Variants in CHD2 observed in about 807,000 individuals in gnomAD.
The protein encoded by CHD2 is chromodomain helicase DNA binding protein 2.
In CHD2, 28 loss-of-function variants were observed where a neutral mutation model predicts 243.9. The observed-to-expected ratio is 0.11, with a 90% CI of 0.09 to 0.16. The LOEUF (loss-of-function observed/expected upper bound fraction) is 0.16. Among genes scored for constraint, CHD2 ranks in the 10% least tolerant of loss-of-function variants. The pLI is 1.00. For missense variants in CHD2, 1,386 were observed against 2,209.8 expected, an observed-to-expected ratio of 0.63 and a Z score of 7.47; for synonymous variants, 775 against 779.0, an observed-to-expected ratio of 0.99 and a Z score of 0.09.
Position 92,943,088 on chromosome 15 carries a change from T to G in CHD2, c.1052+20T>G, listed in dbSNP as rs1382891253. On this transcript the variant is annotated intron_variant, in intron 9 of 38. Transcript: ENST00000394196. ...ACAATGGTATATTTTCCATCATGGA[T>G]TAAAGAAATGTATTTGCAGCCTGAA... The G allele has an allele frequency of 1.3e-6, 2 of 1,575,354 alleles. No homozygotes were observed. The highest frequency in any genetic ancestry group is 1.7e-6 in the Non-Finnish European group (2 of 1,146,944).
chr15:92,904,058 T>A (rs1422190120), intron 2 of CHD2, among the ~76,000 whole-genome samples: 1 of 152,230 alleles, frequency 6.6e-6, no homozygotes, highest in African/African-American at 2.4e-5. Context: ...AATAGAAATC[T>A]GAAATACCAA....
At chr15:92,987,633 GGT>G (rs2054060990) in intron 26 of CHD2, among the ~76,000 whole-genome samples, 1 of 151,100 alleles carries the variant, frequency 6.6e-6, no homozygotes, top group Non-Finnish European at 1.5e-5. Flanking sequence ...AAAAAAAGAT[GGT>G]ATCTTAAAAT....
At chr15:92,902,593 A>AT (rs1220325972) in intron 2 of CHD2, 1 of 155,182 alleles carries the variant, frequency 6.4e-6, no homozygotes, top group African/African-American at 2.4e-5. Flanking sequence ...AAGTTACCAA[A>AT]TTTTTTTGCA....
chr15:92,924,273 T>C, intron 2 of CHD2, 48 bp from the exon 3 acceptor site: 1 of 1,529,762 alleles, frequency 6.5e-7, no homozygotes, highest in Non-Finnish European at 9.0e-7. Flanking sequence ...AGCAGATTCA[T>C]GTGTCAGTTC....
chr15:92,986,709 T>C (rs1370341592), intron 26 of CHD2, among the ~76,000 whole-genome samples: 1 of 152,146 alleles, frequency 6.6e-6, no homozygotes, highest in Non-Finnish European at 1.5e-5. Context: ...AATTTCTTCA[T>C]TGATTTTCTG....
At chr15:92,989,447 G>A (rs781127607) in intron 26 of CHD2, among the ~76,000 whole-genome samples, 21 of 152,106 alleles carry the variant, frequency 1.4e-4, no homozygotes, top group Non-Finnish European at 1.9e-4. Context: ...TGTGTTTGCC[G>A]CTGCTGTTGT....
intron 16 of CHD2, among the ~76,000 whole-genome samples, chr15:92,961,075 TG>T (rs2053681715): frequency 6.6e-6 from 1 of 152,160 alleles, no homozygotes. Flanking sequence ...CTTTTTGTTT[TG>T]TTTTGATGTT....
In CHD2 at chr15:92,978,229, T is replaced by C. The variant is rs749615892; in HGVS notation, c.2578-5T>C. Reference sequence around the variant, plus strand: ...GCATAAAGTAGTATATTGCATTGTGTACAGGACTTCTGTTTCCTGCTCTCG... The same window carrying C: ...GCATAAAGTAGTATATTGCATTGTGCACAGGACTTCTGTTTCCTGCTCTCG... On this transcript the variant is annotated splice_polypyrimidine_tract_variant and splice_region_variant and intron_variant, in intron 20 of 38. Coordinates refer to ENST00000394196, the MANE Select transcript of CHD2 (RefSeq NM_001271.4). The C allele has an allele frequency of 6.2e-7, 1 of 1,614,066 alleles. No individual in the cohort carries two copies. The highest frequency in any genetic ancestry group is 1.3e-5 in the African/African-American group (1 of 74,938).
intron 13 of CHD2, among the ~76,000 whole-genome samples, chr15:92,952,685 G>A (rs2053569212): frequency 6.6e-6 from 1 of 152,250 alleles, no homozygotes. Flanking sequence ...CTCACCCGCT[G>A]CTCACCTTCT....
At position 92,901,271 on chromosome 15, in the gene CHD2, G is replaced by A. The variant is rs1425971436; in HGVS notation, c.34G>A (p.Asp12Asn). The change falls in exon 2 of 39, where the codon GAC (aspartate) becomes AAC (asparagine). Residue 12 changes from aspartate to asparagine, a missense_variant. Asp to Asn is a conservative substitution (Grantham distance 23). Coordinates refer to ENST00000394196, the MANE Select transcript of CHD2 (RefSeq NM_001271.4). ...AAATAAGGACAAAAGCCAAGAGGAG[G>A]ACAGTTCGCTACACAGCAATGCATC... The part of the protein sequence containing the change: ...MRNKDKSQEE[D>N]SSLHSNASSH... The A allele has an allele frequency of 6.2e-7, 1 of 1,608,510 alleles. No homozygotes were observed. The highest frequency in any genetic ancestry group is 8.5e-7 in the Non-Finnish European group (1 of 1,175,532).
chr15:92,963,999 C>T (rs1008301203), intron 16 of CHD2, among the ~76,000 whole-genome samples: 2 of 152,204 alleles, frequency 1.3e-5, no homozygotes. Context: ...GGATTTTGCT[C>T]CTAAGTGGTC....
At chr15:92,944,682 G>A (rs1175221238) in intron 10 of CHD2, 167 bp downstream of exon 10, 1 of 383,388 alleles carries the variant, frequency 2.6e-6, no homozygotes, top group Non-Finnish European at 4.8e-6. Context: ...GGATGTGGGG[G>A]ATGAGAGAAA....
intron 3 of CHD2, among the ~76,000 whole-genome samples, chr15:92,926,655 C>CTAA (rs1461716894): frequency 1.1e-4 from 17 of 152,130 alleles, no homozygotes. Flanking sequence ...AGGCAAAGGG[C>CTAA]TAATTACTGC....
At chr15:92,917,299 C>A (rs2141728911) in intron 2 of CHD2, among the ~76,000 whole-genome samples, 1 of 152,354 alleles carries the variant, frequency 6.6e-6, no homozygotes, top group Non-Finnish European at 1.5e-5. Context: ...TGGCTCATGC[C>A]TGTAATCCTA....
chr15:92,945,837 A>G lies in CHD2; in HGVS notation c.1170A>G (p.Lys390=), dbSNP rs1342167975. The part of the protein sequence containing the change: ...VERVIAVKTS[K]STLGQTDFPA... ...TTTGTTTAGCTGTGAAGACAAGTAA[A>G]TCTACATTGGGTCAAACAGATTTTC... The change falls in exon 11 of 39, where the codon AAA becomes AAG. Residue 390 remains lysine (K), a synonymous_variant. Coordinates refer to ENST00000394196, the MANE Select transcript of CHD2 (RefSeq NM_001271.4). The G allele has an allele frequency of 1.1e-5, 17 of 1,580,918 alleles. No individual in the cohort carries two copies. Among genetic ancestry groups the G allele is most frequent in the Non-Finnish European group, 1.4e-5 (16 of 1,161,496 alleles).
intron 2 of CHD2, among the ~76,000 whole-genome samples, chr15:92,903,392 T>G (rs1488677214): frequency 6.6e-6 from 1 of 152,168 alleles, no homozygotes; most frequent in Non-Finnish European, 1.5e-5. Flanking sequence ...CAAGTAAACT[T>G]TGGTCTGAGA....
In CHD2 at chr15:92,988,640, A is replaced by G. The variant is rs549077275; in HGVS notation, c.3414-2836A>G. 2.0e-5 allele frequency among the ~76,000 whole-genome samples: 3 copies of G among 152,262 alleles called. No homozygotes were observed. In the East Asian group the frequency reaches 5.8e-4, roughly 29 times the overall value. ...TTAATTTCATCTTCATTTTTGAAGG[A>G]AAGTCTTAATTTCTTTTTTTCTGTT... On this transcript the variant is annotated intron_variant, in intron 26 of 38. Transcript: ENST00000394196.
Position 92,998,313 on chromosome 15 carries a change from A to G in CHD2, c.3886-186A>G. ...TCTCCATCCCATTTTGTAAAATGAG[A>G]ACGGCTCGTGAGGGATTTTCAGTGA... On this transcript the variant is annotated intron_variant, in intron 30 of 38. Coordinates refer to ENST00000394196, the MANE Select transcript of CHD2 (RefSeq NM_001271.4). The surrounding 1 kb of genome is among the most constrained non-coding windows in gnomAD (Gnocchi z 5.1). 2 of 1,330,118 alleles carry G rather than the reference A, an allele frequency of 1.5e-6. No individual in the cohort carries two copies. Among genetic ancestry groups the G allele is most frequent in the Non-Finnish European group, 2.0e-6 (2 of 1,020,240 alleles). The allele number at this position is 1,330,118 out of a possible 1,614,324, so 82.4% of individuals were successfully genotyped here. A position where few individuals can be genotyped will look rare whatever the true frequency, so the allele number is the denominator to read the frequency against.
At chr15:92,928,565 A>G (rs577874120) in intron 4 of CHD2, among the ~76,000 whole-genome samples, 1 of 152,336 alleles carries the variant, frequency 6.6e-6, no homozygotes, top group Non-Finnish European at 1.5e-5. Context: ...ATGTTGTGGC[A>G]TTTTTATTTG....
Sources: allele counts gnomAD v4.1 joint callset (sites outside exome capture counted in the v4.1 genomes callset), GRCh38; gene constraint gnomAD v4.1.1; non-coding constraint Gnocchi (gnomAD v3.1); transcripts MANE v1.5; gene names NCBI Gene and HGNC (gene_info 2026-07-23, HGNC 2026-07-21).